PPM1E: variants seen among roughly 807,000 people sequenced by gnomAD.
The protein encoded by PPM1E is protein phosphatase 1E.
In PPM1E, 20 loss-of-function variants were observed where a neutral mutation model predicts 65.9. The observed-to-expected ratio is 0.30, with a 90% CI of 0.21 to 0.44. The LOEUF (loss-of-function observed/expected upper bound fraction) is 0.44, where lower values mean the gene tolerates loss of function less well. Among genes scored for constraint, PPM1E ranks in the 20% least tolerant of loss-of-function variants. PPM1E has a pLI of 1.00. For missense variants in PPM1E, 713 were observed against 953.1 expected, an observed-to-expected ratio of 0.75 and a Z score of 3.32; for synonymous variants, 352 against 374.9, an observed-to-expected ratio of 0.94 and a Z score of 0.70.
chr17:58,775,601 T>C (rs76531892), intron 1 of PPM1E, among the ~76,000 whole-genome samples: 1,740 of 152,218 alleles, frequency 0.011, 14 homozygotes, highest in Middle Eastern at 0.041. Flanking sequence ...TGATTATATG[T>C]AGTAATATTG....
At chr17:58,940,284 T>C (rs1371105873) in intron 1 of PPM1E, among the ~76,000 whole-genome samples, 1 of 152,236 alleles carries the variant, frequency 6.6e-6, no homozygotes, top group Non-Finnish European at 1.5e-5. Flanking sequence ...GTGACTGCTC[T>C]AAAATATATT....
chr17:58,812,282 C>T (rs952388621), intron 1 of PPM1E, among the ~76,000 whole-genome samples: 5 of 110,064 alleles, frequency 4.5e-5, no homozygotes, highest in Admixed American at 1.4e-4. Context: ...CCCACCTGGG[C>T]GACAGAGCAA....
chr17:58,849,778 T>C (rs1001953302), intron 1 of PPM1E, among the ~76,000 whole-genome samples: 2 of 152,168 alleles, frequency 1.3e-5, no homozygotes, highest in African/African-American at 2.4e-5. Flanking sequence ...TCTGCAGATG[T>C]CTATTAGGTC....
At chr17:58,897,328 G>T (rs2051432805) in intron 1 of PPM1E, among the ~76,000 whole-genome samples, 1 of 151,724 alleles carries the variant, frequency 6.6e-6, no homozygotes, top group Non-Finnish European at 1.5e-5. Flanking sequence ...GCAGGAGAAT[G>T]GCGTGAACCT....
chr17:58,814,126 C>A (rs1388436450), intron 1 of PPM1E, among the ~76,000 whole-genome samples: 1 of 152,194 alleles, frequency 6.6e-6, no homozygotes, highest in African/African-American at 2.4e-5. Flanking sequence ...CAGGAAAAAG[C>A]AGTGAATATT....
intron 1 of PPM1E, among the ~76,000 whole-genome samples, chr17:58,869,297 T>C (rs1300153446): frequency 1.3e-5 from 2 of 152,226 alleles, no homozygotes; most frequent in African/African-American, 4.8e-5. Flanking sequence ...AGGCTTGATA[T>C]AGTTTGGATA....
rs1480511075 is a variant in PPM1E, at chr17:58,965,791, G to C, written c.681G>C (p.Gln227His). The C allele has an allele frequency of 1.9e-6, 3 of 1,614,132 alleles. No homozygotes were observed. In the Admixed American group the frequency reaches 5.0e-5, roughly 27 times the overall value. The change falls in exon 3 of 7, where the codon CAG becomes CAC. Residue 227 changes from glutamine to histidine, a missense_variant. Transcript: ENST00000308249. ...VKDFPLRRRP[Q>H]LYYETSIHAI... ...ACTTCCCCCTCCGCAGGAGACCCCA[G>C]CTTTATTATGAGACATCAATCCATG...
chr17:58,807,445 G>GA (rs780898624), intron 1 of PPM1E, among the ~76,000 whole-genome samples: 1 of 152,140 alleles, frequency 6.6e-6, no homozygotes, highest in Non-Finnish European at 1.5e-5. Context: ...TATATAAAGT[G>GA]AAAAATGTGG....
intron 1 of PPM1E, among the ~76,000 whole-genome samples, chr17:58,883,668 G>C (rs1025018176): frequency 4.0e-5 from 6 of 151,180 alleles, no homozygotes; most frequent in African/African-American, 1.5e-4. Flanking sequence ...GTGTTTTTTA[G>C]TAGAGACGGG....
intron 1 of PPM1E, among the ~76,000 whole-genome samples, chr17:58,775,980 C>T (rs1475949554): frequency 7.1e-6 from 1 of 140,790 alleles, no homozygotes; most frequent in East Asian, 2.1e-4. Context: ...ATTGTTTTAA[C>T]CTCCCATTTT....
chr17:58,903,152 A>G (rs1349541034), intron 1 of PPM1E, among the ~76,000 whole-genome samples: 2 of 152,200 alleles, frequency 1.3e-5, no homozygotes, highest in African/African-American at 4.8e-5. Flanking sequence ...CCCTTATTGA[A>G]TAAGTTCTGC....
chr17:58,837,827 C>G (rs763304944), intron 1 of PPM1E, among the ~76,000 whole-genome samples: 1 of 152,114 alleles, frequency 6.6e-6, no homozygotes, highest in African/African-American at 2.4e-5. Context: ...ATATGTGCTA[C>G]GCATTTGCTA....
chr17:58,757,664 C>A (rs1241197236), intron 1 of PPM1E, among the ~76,000 whole-genome samples: 3 of 152,184 alleles, frequency 2.0e-5, no homozygotes, highest in Non-Finnish European at 4.4e-5. Context: ...TTCATCCAAG[C>A]TAATAGACAC....
At chr17:58,878,487 G>T (rs544529789) in intron 1 of PPM1E, among the ~76,000 whole-genome samples, 24 of 151,516 alleles carry the variant, frequency 1.6e-4, no homozygotes, top group African/African-American at 4.6e-4. Flanking sequence ...CAGGTGATCC[G>T]CCCACCTTGG....
In PPM1E at chr17:58,853,326, G is replaced by A. The variant is rs115448675; in HGVS notation, c.464+96865G>A. On this transcript the variant is annotated intron_variant, in intron 1 of 6. Coordinates refer to ENST00000308249, the MANE Select transcript of PPM1E (RefSeq NM_014906.5). ...GTCCAATTTCATTCTTTTGCTTGTG[G>A]ATATCCAGTTTTTCCAGATCCATTT... Among the ~76,000 whole-genome samples the A allele has an allele frequency of 8.6e-3, 1,304 of 152,124 alleles. 19 individuals are homozygous for A. The highest frequency in any genetic ancestry group is 0.029 in the African/African-American group (1,216 of 41,518).
intron 1 of PPM1E, among the ~76,000 whole-genome samples, chr17:58,767,880 G>A (rs1197497016): frequency 6.6e-6 from 1 of 152,050 alleles, no homozygotes; most frequent in Non-Finnish European, 1.5e-5. Flanking sequence ...GACCTCAGGT[G>A]ATCCGCCCAC....
chr17:58,892,980 C>G (rs2051366705), intron 1 of PPM1E, among the ~76,000 whole-genome samples: 1 of 152,176 alleles, frequency 6.6e-6, no homozygotes. Flanking sequence ...GGATGCGGAG[C>G]AACAAAAACT....
chr17:58,804,903 T>A (rs1443671126), intron 1 of PPM1E, among the ~76,000 whole-genome samples: 1 of 152,126 alleles, frequency 6.6e-6, no homozygotes, highest in Non-Finnish European at 1.5e-5. Context: ...ATTCTCTGTT[T>A]TAGCTGCTTT....
rs2052081133 is a variant in PPM1E at position 58,942,155 on chromosome 17, G to A, written c.465-13494G>A. On this transcript the variant is annotated intron_variant, in intron 1 of 6. Coordinates refer to ENST00000308249, the MANE Select transcript of PPM1E (RefSeq NM_014906.5). ...AATCCCAGTACTTTGGGAGGCTGAG[G>A]CGGGAAGATCGCTTGAGAGTAGGAG... 1.3e-5 allele frequency among the ~76,000 whole-genome samples: 2 copies of A among 152,182 alleles called. 1 individual carries two copies. Among genetic ancestry groups the A allele is most frequent in the South Asian group, 4.1e-4 (2 of 4,832 alleles).
Sources: gnomAD v4.1 joint callset for allele counts (sites outside exome capture counted in the v4.1 genomes callset) on GRCh38, gnomAD v4.1.1 for gene constraint, MANE v1.5 for transcripts, NCBI Gene and HGNC (gene_info 2026-07-23, HGNC 2026-07-21) for gene names.